The following IGF1R variants were observed in gnomAD, a reference collection of about 807,000 sequenced individuals.
IGF1R encodes insulin like growth factor 1 receptor.
Under a neutral mutation model 144.6 loss-of-function variants are expected in IGF1R, and 44 were observed. That is an observed-to-expected ratio of 0.30 (90% CI 0.24 to 0.39). The LOEUF (loss-of-function observed/expected upper bound fraction) is 0.39, where lower values mean the gene tolerates loss of function less well. Ranked by LOEUF, IGF1R falls within the 10% of genes least tolerant of loss-of-function variation. IGF1R has a pLI of 1.00. For missense variants in IGF1R, 1,355 were observed against 1,833.7 expected, an observed-to-expected ratio of 0.74 and a Z score of 4.77; for synonymous variants, 795 against 722.8, an observed-to-expected ratio of 1.10 and a Z score of -1.60.
At chr15:98,730,961 T>G (rs1341040226) in intron 2 of IGF1R, among the ~76,000 whole-genome samples, 4 of 152,228 alleles carry the variant, frequency 2.6e-5, no homozygotes, top group Non-Finnish European at 5.9e-5. Flanking sequence ...CAGATAACAT[T>G]TGAGTGCTCT....
intron 2 of IGF1R, among the ~76,000 whole-genome samples, chr15:98,872,216 A>G (rs2012820472): frequency 6.6e-6 from 1 of 152,260 alleles, no homozygotes. Context: ...TAATATTTTC[A>G]TTTGAGCAGA....
chr15:98,881,461 C>T (rs1457097705), intron 2 of IGF1R, among the ~76,000 whole-genome samples: 1 of 152,228 alleles, frequency 6.6e-6, no homozygotes, highest in East Asian at 1.9e-4. Flanking sequence ...GCTAGGACTA[C>T]AGGTGTGCCC....
chr15:98,891,529 G>A lies in IGF1R; in HGVS notation c.845G>A (p.Cys282Tyr). 6.2e-7 allele frequency: 1 copy of A among 1,613,180 alleles called. No homozygotes were observed. Among genetic ancestry groups the A allele is most frequent in the Non-Finnish European group, 8.5e-7 (1 of 1,180,018 alleles). ...TGGCGCTGTGTGGACCGTGACTTCT[G>A]CGCCAACATCCTCAGCGCCGAGAGC... ...EGWRCVDRDF[C>Y]ANILSAESSD... The change falls in exon 3 of 21, where the codon TGC becomes TAC. Residue 282 changes from cysteine (C) to tyrosine (Y), a missense_variant. Coordinates refer to ENST00000650285, the MANE Select transcript of IGF1R (RefSeq NM_000875.5). This position sits in a 1 kb window ranked among gnomAD's most constrained non-coding sequence, Gnocchi z 4.7.
intron 2 of IGF1R, among the ~76,000 whole-genome samples, chr15:98,768,415 G>C (rs2055490999): frequency 6.6e-6 from 1 of 151,862 alleles, no homozygotes; most frequent in South Asian, 2.1e-4. Flanking sequence ...AGGAGATCGA[G>C]ACCATCCTGG....
chr15:98,888,753 G>A (rs1367263361), intron 2 of IGF1R, among the ~76,000 whole-genome samples: 1 of 152,146 alleles, frequency 6.6e-6, no homozygotes, highest in African/African-American at 2.4e-5. Flanking sequence ...TCTCAGTTGG[G>A]ATTAGTTCAG....
At chr15:98,795,364 A>G (rs188619218) in intron 2 of IGF1R, among the ~76,000 whole-genome samples, 1 of 152,284 alleles carries the variant, frequency 6.6e-6, no homozygotes. Context: ...AAAAATACAC[A>G]AATGATTAGA....
rs201734173 is a variant in IGF1R at position 98,957,496 on chromosome 15, T to TG, written c.*62dup. The TG allele has an allele frequency of 1.9e-3, 3,043 of 1,598,312 alleles. 33 individuals carry two copies. In the South Asian group the frequency reaches 0.021, roughly 11 times the overall value. Reference sequence around the variant, plus strand: ...TAACGTGTGCGCACGCGCAGCGGGGTGGGGGGGGAGAGAGAGTTTTAACAA... The same window carrying TG: ...TAACGTGTGCGCACGCGCAGCGGGGTGGGGGGGGGAGAGAGAGTTTTAACAA... On this transcript the variant is annotated 3_prime_UTR_variant, in exon 21 of 21. Transcript: ENST00000650285.
intron 2 of IGF1R, among the ~76,000 whole-genome samples, chr15:98,808,875 T>C (rs4965434): frequency 6.6e-6 from 1 of 151,970 alleles, no homozygotes; most frequent in Non-Finnish European, 1.5e-5. Flanking sequence ...TTTTATAGAG[T>C]CAGAGTCTTA....
intron 3 of IGF1R, among the ~76,000 whole-genome samples, chr15:98,894,731 G>A (rs931167991): frequency 2.6e-5 from 4 of 152,060 alleles, no homozygotes; most frequent in African/African-American, 9.7e-5. Context: ...TGGTGAAACC[G>A]TGTCTCTACT....
At chr15:98,750,459 CA>C (rs1414695040) in intron 2 of IGF1R, among the ~76,000 whole-genome samples, 1 of 152,154 alleles carries the variant, frequency 6.6e-6, no homozygotes, top group African/African-American at 2.4e-5. Context: ...GAGTTGGAGC[CA>C]CAGTCCAAAT....
rs1359806056 is a variant in IGF1R at position 98,961,141 on chromosome 15, G to A, written c.*3699G>A. ...TCTCCCAGGACCCCGGGGATCTTAA[G>A]GTCATTGAGAAATACTGTTGGATCA... On this transcript the variant is annotated 3_prime_UTR_variant, in exon 21 of 21. Coordinates refer to ENST00000650285, the MANE Select transcript of IGF1R (RefSeq NM_000875.5). 3 of 233,446 alleles carry A rather than the reference G, an allele frequency of 1.3e-5. No individual in the cohort carries two copies. Among genetic ancestry groups the A allele is most frequent in the Non-Finnish European group, 2.5e-5 (3 of 117,972 alleles). 14.5% of individuals were successfully genotyped at this position (233,446 alleles called of 1,614,324 possible). A position where few individuals can be genotyped will look rare whatever the true frequency, so the allele number is the denominator to read the frequency against.
intron 19 of IGF1R, among the ~76,000 whole-genome samples, chr15:98,943,781 TG>T (rs1173648197): frequency 1.3e-5 from 2 of 152,192 alleles, no homozygotes; most frequent in Non-Finnish European, 2.9e-5. Flanking sequence ...GGCTTTCCTC[TG>T]GGGGGATCCC....
At chr15:98,700,402 A>AG (rs1223686430) in intron 1 of IGF1R, among the ~76,000 whole-genome samples, 3 of 152,092 alleles carry the variant, frequency 2.0e-5, no homozygotes, top group Non-Finnish European at 4.4e-5. Flanking sequence ...GTGGGTAGGG[A>AG]GGGTAGTGAC....
chr15:98,703,336 C>A (rs944323239), intron 1 of IGF1R, among the ~76,000 whole-genome samples: 1 of 152,166 alleles, frequency 6.6e-6, no homozygotes, highest in African/African-American at 2.4e-5. Context: ...ACTGTTTACT[C>A]CCTCGGTGCA....
rs1056200656 is a variant in IGF1R at position 98,935,974 on chromosome 15, C to T, written c.3297+548C>T. On this transcript the variant is annotated intron_variant, in intron 17 of 20. Coordinates refer to ENST00000650285, the MANE Select transcript of IGF1R (RefSeq NM_000875.5). The surrounding 1 kb of genome is among the most constrained non-coding windows in gnomAD (Gnocchi z 4.2). ...CTGTCAATAAATGTATGTTACAGTTCAAGGTTAAGCTGCCTGGATTCTTGC... is the reference window on the plus strand; with the variant it reads ...CTGTCAATAAATGTATGTTACAGTTTAAGGTTAAGCTGCCTGGATTCTTGC... 5.9e-5 allele frequency among the ~76,000 whole-genome samples: 9 copies of T among 152,180 alleles called. No individual in the cohort carries two copies. Among genetic ancestry groups the T allele is most frequent in the African/African-American group, 2.2e-4 (9 of 41,432 alleles).
intron 2 of IGF1R, among the ~76,000 whole-genome samples, chr15:98,740,230 C>T (rs1398676726): frequency 6.6e-6 from 1 of 152,204 alleles, no homozygotes; most frequent in Non-Finnish European, 1.5e-5. Flanking sequence ...CGTGGTTTTG[C>T]TCTGATTTAC....
intron 2 of IGF1R, among the ~76,000 whole-genome samples, chr15:98,888,682 A>C (rs913022301): frequency 1.3e-5 from 2 of 152,188 alleles, no homozygotes; most frequent in Non-Finnish European, 2.9e-5. Flanking sequence ...TTATCAACAA[A>C]ATGGCATAAA....
chr15:98,665,327 C>G (rs1212716222), intron 1 of IGF1R, among the ~76,000 whole-genome samples: 1 of 152,216 alleles, frequency 6.6e-6, no homozygotes, highest in Non-Finnish European at 1.5e-5. Flanking sequence ...TCCTCCTTTT[C>G]TGTCCCTGTC....
intron 2 of IGF1R, among the ~76,000 whole-genome samples, chr15:98,767,896 T>C (rs991460855): frequency 6.6e-6 from 1 of 152,120 alleles, no homozygotes; most frequent in South Asian, 2.1e-4. Context: ...TGGCATTGTT[T>C]GAATACTTGC....
Sources: gnomAD v4.1 joint callset for allele counts (sites outside exome capture counted in the v4.1 genomes callset) on GRCh38, gnomAD v4.1.1 for gene constraint, Gnocchi (gnomAD v3.1) non-coding constraint, MANE v1.5 for transcripts, NCBI Gene and HGNC (gene_info 2026-07-23, HGNC 2026-07-21) for gene names.